DIP2C: variants seen among roughly 807,000 people sequenced by gnomAD.
DIP2C encodes the protein disco-interacting protein 2 homolog C.
DIP2C carries 33 observed loss-of-function variants against 192.4 expected under a neutral mutation model. The ratio of observed to expected loss-of-function variants is 0.17; its 90% confidence interval spans 0.13 to 0.23. DIP2C has a LOEUF of 0.23. DIP2C is among the 10% of genes least tolerant of loss of function. The pLI, the probability that DIP2C is intolerant of heterozygous loss-of-function variation, is 1.00. For synonymous variants in DIP2C, 979 were observed against 864.1 expected, an observed-to-expected ratio of 1.13 and a Z score of -2.33; for missense variants, 1,537 against 2,110.1, an observed-to-expected ratio of 0.73 and a Z score of 5.32.
At chr10:373,659 G>T (rs951567766) in intron 17 of DIP2C, among the ~76,000 whole-genome samples, 1 of 152,088 alleles carries the variant, frequency 6.6e-6, no homozygotes, top group Non-Finnish European at 1.5e-5. Context: ...AATCCCTCGT[G>T]GCTTGGATAG....
Position 440,983 on chromosome 10 carries a change from T to C in DIP2C, c.282A>G (p.Glu94=). ...DERYRSDVHT[E]AVQAALAKHK... Reference sequence around the variant, plus strand: ...GTTTGGCCAGAGCCGCCTGGACAGCTTCCGTGTGGACGTCTGAAACGGAGA... The same window carrying C: ...GTTTGGCCAGAGCCGCCTGGACAGCCTCCGTGTGGACGTCTGAAACGGAGA... The change falls in exon 4 of 37, where the codon GAA becomes GAG. Residue 94 remains glutamate, a synonymous_variant. Coordinates refer to ENST00000280886, the MANE Select transcript of DIP2C (RefSeq NM_014974.3). 3 of 1,613,266 alleles carry C rather than the reference T, an allele frequency of 1.9e-6. No individual in the cohort carries two copies. Among genetic ancestry groups the C allele is most frequent in the Non-Finnish European group, 2.5e-6 (3 of 1,179,932 alleles).
At chr10:499,495 G>GCAAAAA (rs1845080012) in intron 1 of DIP2C, among the ~76,000 whole-genome samples, 1 of 152,228 alleles carries the variant, frequency 6.6e-6, no homozygotes, top group Admixed American at 6.5e-5. Flanking sequence ...GGGAAGCAAA[G>GCAAAAA]GCCTATCTTA....
intron 6 of DIP2C, among the ~76,000 whole-genome samples, chr10:417,938 C>CCCTGTCCGCCTGCACCTGTCAGGGCTCG (rs1564686178): frequency 7.7e-5 from 2 of 25,908 alleles, no homozygotes; most frequent in Non-Finnish European, 9.4e-5. Flanking sequence ...GTCAGGGCTT[C>CCCTGTCCGCCTGCACCTGTCAGGGCTCG]GATAGGCCTC....
At chr10:613,879 CT>C (rs1179670821) in intron 1 of DIP2C, among the ~76,000 whole-genome samples, 11 of 152,130 alleles carry the variant, frequency 7.2e-5, no homozygotes, top group African/African-American at 2.7e-4. Context: ...TCTCGGCCAT[CT>C]GATGGCATCA....
chr10:622,143 G>A (rs935195182), intron 1 of DIP2C, among the ~76,000 whole-genome samples: 1 of 150,948 alleles, frequency 6.6e-6, no homozygotes, highest in Non-Finnish European at 1.5e-5. Context: ...GCTGCCCTGA[G>A]GCACCTGCTG....
intron 32 of DIP2C, among the ~76,000 whole-genome samples, chr10:291,285 C>T (rs896802511): frequency 3.9e-5 from 6 of 152,338 alleles, no homozygotes; most frequent in South Asian, 2.1e-4. Context: ...GTTGAAAACA[C>T]GGAAGATCAT....
intron 1 of DIP2C, among the ~76,000 whole-genome samples, chr10:598,232 T>TCCCCA (rs1217243916): frequency 6.6e-6 from 1 of 151,516 alleles, no homozygotes; most frequent in Non-Finnish European, 1.5e-5. Flanking sequence ...AGGGCCTCCC[T>TCCCCA]CCCCACCCCA....
intron 1 of DIP2C, among the ~76,000 whole-genome samples, chr10:500,470 T>C (rs2133642589): frequency 6.6e-6 from 1 of 152,370 alleles, no homozygotes; most frequent in Admixed American, 6.5e-5. Flanking sequence ...TGTACGTGCC[T>C]AGGTTTTACA....
chr10:436,939 T>TGCC (rs1220086160), intron 4 of DIP2C, among the ~76,000 whole-genome samples: 12 of 129,728 alleles, frequency 9.3e-5, no homozygotes, highest in East Asian at 2.6e-4. Context: ...GGTAGGGTGA[T>TGCC]ATGCTCCACC....
chr10:290,150 A>G (rs185152039), intron 32 of DIP2C, among the ~76,000 whole-genome samples: 37 of 152,308 alleles, frequency 2.4e-4, no homozygotes, highest in African/African-American at 6.5e-4. Context: ...AGAAAGACTT[A>G]CTGGAGCCAT....
At chr10:517,105 A>ACTTG (rs1846413509) in intron 1 of DIP2C, among the ~76,000 whole-genome samples, 3 of 151,822 alleles carry the variant, frequency 2.0e-5, no homozygotes, top group Admixed American at 2.0e-4. Context: ...GGAAACACGG[A>ACTTG]CTTGGCCCCT....
At chr10:588,338 T>G (rs1353923270) in intron 1 of DIP2C, among the ~76,000 whole-genome samples, 1 of 152,242 alleles carries the variant, frequency 6.6e-6, no homozygotes, top group South Asian at 2.1e-4. Context: ...CCTGGGAACT[T>G]AAACTCTGGA....
intron 2 of DIP2C, among the ~76,000 whole-genome samples, chr10:483,880 A>C (rs147266558): frequency 6.6e-6 from 1 of 152,302 alleles, no homozygotes; most frequent in East Asian, 1.9e-4. Flanking sequence ...ACAGTGCCAC[A>C]ATCATAGCTC....
At chr10:313,994 A>T (rs1956668693) in intron 31 of DIP2C, among the ~76,000 whole-genome samples, 1 of 152,228 alleles carries the variant, frequency 6.6e-6, no homozygotes, top group Non-Finnish European at 1.5e-5. Flanking sequence ...AAGAACGAAC[A>T]AACTCCAAAG....
chr10:589,929 G>C (rs149226771), intron 1 of DIP2C, among the ~76,000 whole-genome samples: 15 of 152,180 alleles, frequency 9.9e-5, no homozygotes, highest in Non-Finnish European at 2.2e-4. Context: ...AAATTCATAA[G>C]AACTGCTGAG....
At position 579,870 on chromosome 10, in the gene DIP2C, CTA is replaced by C. The variant is rs556035127; in HGVS notation, c.86-93342_86-93341del. 1.4e-3 allele frequency among the ~76,000 whole-genome samples: 214 copies of C among 152,024 alleles called. 1 individual carries two copies. The highest frequency in any genetic ancestry group is 4.9e-3 in the African/African-American group (205 of 41,420). ...TGTACAGTGTACATGCATATGTACA[CTA>C]TAACACATGTACATGCATCTAGCAC... On this transcript the variant is annotated intron_variant, in intron 1 of 36. Transcript: ENST00000280886.
chr10:388,578 C>CATTCCCTCCACA (rs145120261), intron 13 of DIP2C, among the ~76,000 whole-genome samples: 4,626 of 152,262 alleles, frequency 0.03, 187 homozygotes, highest in African/African-American at 0.096. Flanking sequence ...GCGAACGTAT[C>CATTCCCTCCACA]ATTCCCTCCC....
chr10:600,610 G>A (rs1273462887), intron 1 of DIP2C, among the ~76,000 whole-genome samples: 1 of 134,680 alleles, frequency 7.4e-6, no homozygotes, highest in African/African-American at 3.1e-5. Context: ...CTTAAAGAGG[G>A]TTTCCGGATG....
chr10:621,647 C>A (rs918227781), intron 1 of DIP2C, among the ~76,000 whole-genome samples: 1 of 152,160 alleles, frequency 6.6e-6, no homozygotes, highest in Non-Finnish European at 1.5e-5. Flanking sequence ...GGAGACCCCT[C>A]GTGTGATCCT....
Sources: allele counts gnomAD v4.1 joint callset (sites outside exome capture counted in the v4.1 genomes callset), GRCh38; gene constraint gnomAD v4.1.1; transcripts MANE v1.5; gene names NCBI Gene and HGNC (gene_info 2026-07-23, HGNC 2026-07-21).